Variants in P4HA2 observed in about 807,000 individuals in gnomAD.
P4HA2 encodes prolyl 4-hydroxylase subunit alpha 2, also known as prolyl 4-hydroxylase subunit alpha-2.
A neutral mutation model predicts 76.9 loss-of-function variants in P4HA2; 46 were observed. The ratio of observed to expected loss-of-function variants is 0.60; its 90% CI spans 0.47 to 0.76. P4HA2 has a LOEUF of 0.76. Among genes scored for constraint, P4HA2 ranks in the 30% least tolerant of loss-of-function variants. The pLI is 0.00. For missense variants in P4HA2, 583 were observed against 669.4 expected, an observed-to-expected ratio of 0.87 and a Z score of 1.42; for synonymous variants, 243 against 254.0, an observed-to-expected ratio of 0.96 and a Z score of 0.41.
intron 1 of P4HA2, chr5:132,227,232 A>G (rs1755521365): frequency 6.6e-6 from 1 of 152,262 alleles, no homozygotes; most frequent in Non-Finnish European, 1.5e-5. Flanking sequence ...CTGCCAAGGA[A>G]AAACAACGCT....
At chr5:132,201,344 C>T (rs1751445522) in intron 10 of P4HA2, 1 of 152,182 alleles carries the variant, frequency 6.6e-6, no homozygotes, top group Non-Finnish European at 1.5e-5. Context: ...CTACAGCAAA[C>T]ATGTGAGCTA....
At chr5:132,219,708 T>C (rs1754395541) in intron 1 of P4HA2, among the ~76,000 whole-genome samples, 1 of 152,078 alleles carries the variant, frequency 6.6e-6, no homozygotes, top group African/African-American at 2.4e-5. Context: ...GAAATACAAA[T>C]GCTTTCCCAA....
intron 6 of P4HA2, 59 bp downstream of exon 6, chr5:132,210,225 C>T: frequency 2.5e-6 from 4 of 1,587,996 alleles, no homozygotes; most frequent in East Asian, 2.2e-5. Flanking sequence ...GATGCCAGCA[C>T]AGTGCAGTTC....
chr5:132,215,837 G>A (rs1753768555), intron 4 of P4HA2, among the ~76,000 whole-genome samples: 1 of 126,790 alleles, frequency 7.9e-6, no homozygotes, highest in Non-Finnish European at 1.6e-5. Context: ...AATATAGTGA[G>A]ACCCTGTCCC....
chr5:132,216,990 C>T (rs1580733980), intron 4 of P4HA2, among the ~76,000 whole-genome samples: 1 of 152,104 alleles, frequency 6.6e-6, no homozygotes, highest in Non-Finnish European at 1.5e-5. Context: ...AAAAAAAGAA[C>T]TGAACATCAT....
intron 5 of P4HA2, among the ~76,000 whole-genome samples, chr5:132,212,497 T>C (rs1341475112): frequency 6.6e-6 from 1 of 152,102 alleles, no homozygotes; most frequent in African/African-American, 2.4e-5. Context: ...TCCTTTTTGC[T>C]GAGATAGAAG....
chr5:132,208,646 G>A (rs1370000829), intron 7 of P4HA2, among the ~76,000 whole-genome samples: 1 of 151,784 alleles, frequency 6.6e-6, no homozygotes, highest in Non-Finnish European at 1.5e-5. Flanking sequence ...CTTGGTGGAG[G>A]AGCCAGTAGA....
chr5:132,223,150 C>T (rs1754865163), intron 1 of P4HA2, among the ~76,000 whole-genome samples: 1 of 152,234 alleles, frequency 6.6e-6, no homozygotes, highest in African/African-American at 2.4e-5. Context: ...GTTGAAGTAC[C>T]AGACTGGCCT....
At chr5:132,214,842 T>C (rs1193530992) in intron 4 of P4HA2, among the ~76,000 whole-genome samples, 2 of 152,150 alleles carry the variant, frequency 1.3e-5, no homozygotes, top group Non-Finnish European at 2.9e-5. Context: ...GCCTGAAGCG[T>C]GGGAGAGCTT....
rs1394536535 is a variant in P4HA2 at position 132,192,892 on chromosome 5, GACAA to G, written c.*114_*117del. On this transcript the variant is annotated 3_prime_UTR_variant, in exon 15 of 15. Coordinates refer to ENST00000360568, the MANE Select transcript of P4HA2 (RefSeq NM_001017974.2). Reference sequence around the variant, plus strand: ...CCTAGTATGGTCTCCCTCTGCTCCAGACAAACATTCATTTCTCCAAAAATCAGCC... The same window carrying G: ...CCTAGTATGGTCTCCCTCTGCTCCAGACATTCATTTCTCCAAAAATCAGCC... 1.4e-6 allele frequency: 1 copy of G among 737,188 alleles called. No homozygotes were observed. Among genetic ancestry groups the G allele is most frequent in the Non-Finnish European group, 2.5e-6 (1 of 404,324 alleles). 45.7% of individuals were successfully genotyped at this position (737,188 alleles called of 1,614,324 possible).
chr5:132,198,024 T>C (rs1180948927), intron 12 of P4HA2: 2 of 985,144 alleles, frequency 2.0e-6, no homozygotes, highest in Non-Finnish European at 2.4e-6. Flanking sequence ...CTGGTGGCAG[T>C]GGGGAAAATG....
At chr5:132,197,945 G>A in intron 12 of P4HA2, 10 of 942,816 alleles carry the variant, frequency 1.1e-5, no homozygotes, top group Non-Finnish European at 1.3e-5. Flanking sequence ...TAAGTTTTAT[G>A]TTATGTCTGT....
rs188406019 is a variant in P4HA2 at position 132,217,734 on chromosome 5, G to A, written c.179+18C>T. ...AGGGAAGGAAGGCCAACTAAGGATGGTTGGGGACTTAGGACACCTCTTAAT... is the reference window on the plus strand; with the variant it reads ...AGGGAAGGAAGGCCAACTAAGGATGATTGGGGACTTAGGACACCTCTTAAT... On this transcript the variant is annotated intron_variant, in intron 3 of 14. Coordinates refer to ENST00000360568, the MANE Select transcript of P4HA2 (RefSeq NM_001017974.2). 88,210 of 1,421,610 alleles carry A rather than the reference G, an allele frequency of 0.062. 3,040 individuals are homozygous for A. The highest frequency in any genetic ancestry group is 0.071 in the Non-Finnish European group (71,623 of 1,011,836). The allele number at this position is 1,421,610 out of a possible 1,614,324, so 88.1% of individuals were successfully genotyped here.
In P4HA2 at chr5:132,209,144, G is replaced by A; in HGVS notation, c.897C>T (p.Val299=). ...GCCCCCTCACACATCTCACCAGTTT[G>A]ACACCCTCCCCACGACAGAGGCTCT... is the stretch of plus-strand genomic sequence containing the variant. ...VYESLCRGEG[V]KLTPRRQKRL... Residue 299 remains valine (V), a synonymous_variant, in exon 7 of 15, where the codon GTC becomes GTT. Transcript: ENST00000360568. 1.2e-6 allele frequency: 2 copies of A among 1,611,948 alleles called. No homozygotes were observed. Among genetic ancestry groups the A allele is most frequent in the Non-Finnish European group, 1.7e-6 (2 of 1,178,948 alleles).
In P4HA2 at chr5:132,194,920, A is replaced by G. The variant is rs1329736250; in HGVS notation, c.1531+6T>C. 6.3e-7 allele frequency: 1 copy of G among 1,597,958 alleles called. No individual in the cohort carries two copies. The highest frequency in any genetic ancestry group is 8.6e-7 in the Non-Finnish European group (1 of 1,165,602). ...CAACACCAACACTACCCCTTAAGACACTCACCCCACTTGCAGCCCACAAGC... is the reference window on the plus strand; with the variant it reads ...CAACACCAACACTACCCCTTAAGACGCTCACCCCACTTGCAGCCCACAAGC... On this transcript the variant is annotated splice_donor_region_variant and intron_variant, in intron 14 of 14. Coordinates refer to ENST00000360568, the MANE Select transcript of P4HA2 (RefSeq NM_001017974.2).
chr5:132,206,433 G>A (rs1448607081), intron 8 of P4HA2, among the ~76,000 whole-genome samples: 1 of 152,068 alleles, frequency 6.6e-6, no homozygotes, highest in Non-Finnish European at 1.5e-5. Context: ...GAGGTCCAGG[G>A]GCCAGGATAG....
At chr5:132,220,768 T>A (rs192020572) in intron 1 of P4HA2, among the ~76,000 whole-genome samples, 1 of 151,522 alleles carries the variant, frequency 6.6e-6, no homozygotes, top group African/African-American at 2.4e-5. Flanking sequence ...CAGATAGGGT[T>A]TGGGCAGAGC....
rs568632976 is a variant in P4HA2 at position 132,217,512 on chromosome 5, C to T, written c.180-164G>A. ...AACTCCCCACAGATACTTCTAGCCC[C>T]TTAATCTAGATAACAGCTGGGACCC... On this transcript the variant is annotated intron_variant, in intron 3 of 14. Transcript: ENST00000360568. 356 of 673,998 alleles carry T rather than the reference C, an allele frequency of 5.3e-4. No individual in the cohort carries two copies. The African/African-American group carries it at 5.8e-3, about 11-fold the overall frequency. 41.8% of individuals were successfully genotyped at this position (673,998 alleles called of 1,614,324 possible). A position where few individuals can be genotyped will look rare whatever the true frequency, so the allele number is the denominator to read the frequency against.
chr5:132,223,026 C>G (rs1046221700), intron 1 of P4HA2, among the ~76,000 whole-genome samples: 1 of 152,244 alleles, frequency 6.6e-6, no homozygotes, highest in Non-Finnish European at 1.5e-5. Flanking sequence ...CTTGCAACCT[C>G]TTGGTCTCAC....
Sources: gnomAD v4.1 joint callset for allele counts (sites outside exome capture counted in the v4.1 genomes callset) on GRCh38, gnomAD v4.1.1 for gene constraint, MANE v1.5 for transcripts, NCBI Gene and HGNC (gene_info 2026-07-23, HGNC 2026-07-21) for gene names.